Variants in ADRA1A observed in about 807,000 individuals in gnomAD.
ADRA1A encodes alpha-1A adrenergic receptor.
In ADRA1A, 31 loss-of-function variants were observed where a neutral mutation model predicts 29.6. That is an observed-to-expected ratio of 1.05 (90% CI 0.79 to 1.41). The LOEUF is 1.41. ADRA1A is among the 40% of genes most tolerant of loss of function. The pLI is 0.00. For synonymous variants in ADRA1A, 311 were observed against 254.3 expected (o/e 1.22, Z -2.12); for missense variants, 619 against 601.1 (o/e 1.03, Z -0.31).
chr8:26,790,362 G>A (rs1807726290), intron 2 of ADRA1A, among the ~76,000 whole-genome samples: 1 of 152,130 alleles, frequency 6.6e-6, no homozygotes, highest in South Asian at 2.1e-4. Flanking sequence ...GGAACAGAAA[G>A]ATAAATACCA....
chr8:26,826,162 C>A (rs1380111315), intron 2 of ADRA1A, among the ~76,000 whole-genome samples: 1 of 152,206 alleles, frequency 6.6e-6, no homozygotes, highest in East Asian at 1.9e-4. Context: ...TAAGTTTCTT[C>A]ATTTTTTTCC....
chr8:26,766,044 C>T, downstream of ADRA1A: 1 of 1,613,562 alleles, frequency 6.2e-7, no homozygotes, highest in Non-Finnish European at 8.5e-7. Flanking sequence ...CTCCAGCTAC[C>T]TGGAGATCAG....
chr8:26,867,053 C>A lies in ADRA1A; in HGVS notation c.-804G>T, dbSNP rs1208027237. ...CGGAGAGGGGACCGTGTCTCCGAGG[C>A]ACCAAATCCTTGTCCTTTTGCACCC... On this transcript the variant is annotated 5_prime_UTR_variant, in exon 1 of 3. Coordinates refer to ENST00000380573, the MANE Select transcript of ADRA1A (RefSeq NM_000680.4). The A allele has an allele frequency of 1.0e-5, 10 of 985,306 alleles. No individual in the cohort carries two copies. The highest frequency in any genetic ancestry group is 1.7e-5 in the African/African-American group (1 of 57,210). The allele number at this position is 985,306 out of a possible 1,614,324, so 61.0% of individuals were successfully genotyped here.
At chr8:26,759,934 C>T (rs1805411860) in intron 2 of ADRA1A, among the ~76,000 whole-genome samples, 1 of 152,166 alleles carries the variant, frequency 6.6e-6, no homozygotes, top group African/African-American at 2.4e-5. Context: ...GAAGCTGGTG[C>T]ATCACGTGAC....
rs961602986 is a variant in ADRA1A, at chr8:26,756,506, G to C, written c.*253C>G. On this transcript the variant is annotated 3_prime_UTR_variant, in exon 3 of 3. Transcript: ENST00000380582. ...AAAATCGAGCTATTTGTCCCTGAAG[G>C]CTCTTTTCCTCTTTCCCTTTGCATT... is the stretch of plus-strand genomic sequence containing the variant. 39 of 1,520,424 alleles carry C rather than the reference G, an allele frequency of 2.6e-5. 1 individual carries two copies. Among genetic ancestry groups the C allele is most frequent in the Non-Finnish European group, 3.2e-5 (36 of 1,135,230 alleles). 94.2% of individuals were successfully genotyped at this position (1,520,424 alleles called of 1,614,324 possible). A position where few individuals can be genotyped will look rare whatever the true frequency, so the allele number is the denominator to read the frequency against.
chr8:26,840,453 G>T (rs1811736932), intron 2 of ADRA1A, among the ~76,000 whole-genome samples: 1 of 152,240 alleles, frequency 6.6e-6, no homozygotes, highest in Non-Finnish European at 1.5e-5. Context: ...AACCAGCTGG[G>T]GCCAAAGCAG....
intron 2 of ADRA1A, among the ~76,000 whole-genome samples, chr8:26,771,056 G>T (rs992923265): frequency 2.6e-5 from 4 of 152,138 alleles, no homozygotes; most frequent in Admixed American, 2.6e-4. Flanking sequence ...ATTAAAATTC[G>T]GTTATCTGAA....
At position 26,846,729 on chromosome 8, in the gene ADRA1A, G is replaced by A. The variant is rs539260105; in HGVS notation, c.883+17358C>T. Among the ~76,000 whole-genome samples, 274 of 152,262 alleles carry A rather than the reference G, an allele frequency of 1.8e-3. 1 individual carries two copies. The highest frequency in any genetic ancestry group is 3.2e-3 in the Non-Finnish European group (215 of 68,018). ...AGAGGTTGCAGTGAGCCGCGATCGC[G>A]CCATTGCACTCCAGCCTGGGTAACA... is the stretch of plus-strand genomic sequence containing the variant. On this transcript the variant is annotated intron_variant, in intron 2 of 2. Transcript: ENST00000380573.
intron 2 of ADRA1A, among the ~76,000 whole-genome samples, chr8:26,844,199 C>T (rs1812038989): frequency 6.6e-6 from 1 of 152,216 alleles, no homozygotes; most frequent in African/African-American, 2.4e-5. Flanking sequence ...TGCAACACAA[C>T]GTGTAAAATA....
chr8:26,788,729 G>C (rs1024867344), intron 2 of ADRA1A, among the ~76,000 whole-genome samples: 2 of 151,986 alleles, frequency 1.3e-5, no homozygotes, highest in Admixed American at 1.3e-4. Context: ...GAGTGAAGCT[G>C]GGTTCAAACC....
chr8:26,774,564 G>T (rs1299125338), intron 2 of ADRA1A, among the ~76,000 whole-genome samples: 3 of 151,970 alleles, frequency 2.0e-5, no homozygotes, highest in Admixed American at 6.6e-5. Flanking sequence ...AGTTACTCAG[G>T]AGGCTGAGGT....
chr8:26,865,563 T>A lies in ADRA1A; in HGVS notation c.-594A>T. 1 of 990,616 alleles carries A rather than the reference T, an allele frequency of 1.0e-6. No individual in the cohort carries two copies. 61.4% of individuals were successfully genotyped at this position (990,616 alleles called of 1,614,324 possible). A position where few individuals can be genotyped will look rare whatever the true frequency, so the allele number is the denominator to read the frequency against. Reference sequence around the variant, plus strand: ...GCTGCCCCACCGAAGGCTCCTGCTCTCTCCAGCTTCTAGGAGCACAGGTCA... The same window carrying A: ...GCTGCCCCACCGAAGGCTCCTGCTCACTCCAGCTTCTAGGAGCACAGGTCA... On this transcript the variant is annotated 5_prime_UTR_variant, in exon 2 of 3. Transcript: ENST00000380573. This position sits in a 1 kb window ranked among gnomAD's most constrained non-coding sequence, Gnocchi z 7.6.
At chr8:26,793,098 G>C (rs1807949357) in intron 2 of ADRA1A, among the ~76,000 whole-genome samples, 1 of 151,766 alleles carries the variant, frequency 6.6e-6, no homozygotes, top group Non-Finnish European at 1.5e-5. Context: ...ATGACATAAA[G>C]CATTTCATGG....
chr8:26,811,108 A>G (rs1457928516), intron 2 of ADRA1A, among the ~76,000 whole-genome samples: 5 of 151,952 alleles, frequency 3.3e-5, no homozygotes, highest in African/African-American at 9.7e-5. Context: ...CTTTATCATC[A>G]TTTTTGTGTG....
downstream of ADRA1A, among the ~76,000 whole-genome samples, chr8:26,768,158 T>C (rs533211951): frequency 7.2e-5 from 11 of 152,246 alleles, no homozygotes; most frequent in Non-Finnish European, 1.5e-5. Flanking sequence ...CATGCAAACA[T>C]ACCCTCCATT....
rs1408528160 is a variant in ADRA1A, at chr8:26,787,514, T to A, written c.884-16848A>T. Among the ~76,000 whole-genome samples, 3 of 152,166 alleles carry A rather than the reference T, an allele frequency of 2.0e-5. No individual in the cohort carries two copies. Among genetic ancestry groups the A allele is most frequent in the African/African-American group, 7.2e-5 (3 of 41,526 alleles). ...GTCAGAAAGTATGATCTGTTATGTA[T>A]GACAAAATCTGGGTGAAAGTGTAGG... On this transcript the variant is annotated intron_variant, in intron 2 of 2. Coordinates refer to ENST00000380573, the MANE Select transcript of ADRA1A (RefSeq NM_000680.4). This position sits in a 1 kb window ranked among gnomAD's most constrained non-coding sequence, Gnocchi z 4.2.
rs909769463 is a variant in ADRA1A, at chr8:26,825,718, C to T, written c.883+38369G>A. On this transcript the variant is annotated intron_variant, in intron 2 of 2. Transcript: ENST00000380573. This position sits in a 1 kb window ranked among gnomAD's most constrained non-coding sequence, Gnocchi z 5.7. ...TAATGATATATGAATTGCACATGCACGCTAATTTATACTCTCCCTCCTGAT... is the reference window on the plus strand; with the variant it reads ...TAATGATATATGAATTGCACATGCATGCTAATTTATACTCTCCCTCCTGAT... Among the ~76,000 whole-genome samples the T allele has an allele frequency of 2.0e-5, 3 of 152,214 alleles. No individual in the cohort carries two copies. The highest frequency in any genetic ancestry group is 6.5e-5 in the Admixed American group (1 of 15,288).
chr8:26,843,166 A>G (rs922109189), intron 2 of ADRA1A, among the ~76,000 whole-genome samples: 8 of 152,106 alleles, frequency 5.3e-5, no homozygotes, highest in African/African-American at 1.9e-4. Context: ...TTTTCCCCAG[A>G]TTAGACTTGA....
chr8:26,791,835 T>C (rs1208853916), intron 2 of ADRA1A, among the ~76,000 whole-genome samples: 2 of 152,190 alleles, frequency 1.3e-5, no homozygotes, highest in Non-Finnish European at 2.9e-5. Context: ...GGCTGTTCAG[T>C]GAGGCTGGGT....
Sources: gnomAD v4.1 joint callset for allele counts (sites outside exome capture counted in the v4.1 genomes callset) on GRCh38, gnomAD v4.1.1 for gene constraint, Gnocchi (gnomAD v3.1) non-coding constraint, MANE v1.5 for transcripts, NCBI Gene and HGNC (gene_info 2026-07-23, HGNC 2026-07-21) for gene names.